GRM1: variants seen among roughly 807,000 people sequenced by gnomAD.
The protein encoded by GRM1 is metabotropic glutamate receptor 1.
GRM1 carries 33 observed loss-of-function variants against 90.9 expected under a neutral mutation model. That is an observed-to-expected ratio of 0.36 (90% confidence interval 0.28 to 0.49). The LOEUF is 0.49. Ranked by LOEUF, GRM1 falls within the 20% of genes least tolerant of loss-of-function variation. GRM1 has a pLI of 0.99. For synonymous variants in GRM1, 700 were observed against 613.2 expected, an observed-to-expected ratio of 1.14 and a Z score of -2.09; for missense variants, 1,190 against 1,534.3, an observed-to-expected ratio of 0.78 and a Z score of 3.75.
At chr6:146,322,730 C>T (rs772638490) in intron 3 of GRM1, among the ~76,000 whole-genome samples, 1 of 151,944 alleles carries the variant, frequency 6.6e-6, no homozygotes, top group Non-Finnish European at 1.5e-5. Context: ...TTAGGTATAT[C>T]TCCTAATGCT....
chr6:146,288,582 T>C (rs1782850191), intron 2 of GRM1, among the ~76,000 whole-genome samples: 1 of 152,184 alleles, frequency 6.6e-6, no homozygotes, highest in South Asian at 2.1e-4. Context: ...CTCGGCTCAC[T>C]GCAACCTCCG....
intron 2 of GRM1, among the ~76,000 whole-genome samples, chr6:146,265,535 A>G (rs1254681891): frequency 6.6e-6 from 1 of 152,154 alleles, no homozygotes; most frequent in Non-Finnish European, 1.5e-5. Context: ...TTAGTTTAGT[A>G]GTCTCATTTG....
At chr6:146,060,165 T>G (rs1775613820) in intron 1 of GRM1, among the ~76,000 whole-genome samples, 1 of 152,136 alleles carries the variant, frequency 6.6e-6, no homozygotes. Flanking sequence ...TTAATCATTT[T>G]TAACTTTTGA....
intron 1 of GRM1, among the ~76,000 whole-genome samples, chr6:146,090,367 C>T (rs1010291408): frequency 6.6e-6 from 1 of 152,018 alleles, no homozygotes; most frequent in African/African-American, 2.4e-5. Flanking sequence ...TTTACCTATT[C>T]GTGGTATGAG....
chr6:146,364,505 T>G (rs1775604740), intron 5 of GRM1, among the ~76,000 whole-genome samples: 1 of 152,218 alleles, frequency 6.6e-6, no homozygotes, highest in African/African-American at 2.4e-5. Flanking sequence ...GATTATTCCT[T>G]TTTCTTTAAC....
In GRM1 at chr6:146,207,506, G is replaced by A. The variant is rs182792753; in HGVS notation, c.950+47909G>A. ...GCTGGATATTGGACCATTGTCAGATGAATAGTTTGGAAATATTTTCTCCAT... is the reference window on the plus strand; with the variant it reads ...GCTGGATATTGGACCATTGTCAGATAAATAGTTTGGAAATATTTTCTCCAT... On this transcript the variant is annotated intron_variant, in intron 2 of 7. Coordinates refer to ENST00000282753, the MANE Select transcript of GRM1 (RefSeq NM_001278064.2). 2.3e-3 allele frequency among the ~76,000 whole-genome samples: 352 copies of A among 152,184 alleles called. 3 individuals are homozygous for A. Among genetic ancestry groups the A allele is most frequent in the African/African-American group, 8.3e-3 (344 of 41,532 alleles).
At chr6:146,112,193 A>C (rs1775585558) in intron 1 of GRM1, among the ~76,000 whole-genome samples, 1 of 152,046 alleles carries the variant, frequency 6.6e-6, no homozygotes, top group African/African-American at 2.4e-5. Flanking sequence ...ACTTGCACAC[A>C]GTGGAGTGTG....
Position 146,398,917 on chromosome 6 carries a change from C to A in GRM1, c.1878C>A (p.Ser626=), listed in dbSNP as rs1182338983. The A allele has an allele frequency of 8.1e-6, 13 of 1,614,102 alleles. No homozygotes were observed. Among genetic ancestry groups the A allele is most frequent in the Non-Finnish European group, 1.0e-5 (12 of 1,179,990 alleles). Residue 626 remains serine (S), a synonymous_variant, in exon 7 of 8, where the codon TCC becomes TCA. Transcript: ENST00000282753. ...LYRDTPVVKS[S]SRELCYIILA... ...GGGACACACCAGTGGTCAAATCCTCCAGTCGGGAGCTCTGCTACATCATCC... is the reference window on the plus strand; with the variant it reads ...GGGACACACCAGTGGTCAAATCCTCAAGTCGGGAGCTCTGCTACATCATCC...
chr6:146,389,156 T>C (rs1583427424), intron 6 of GRM1, among the ~76,000 whole-genome samples: 1 of 152,154 alleles, frequency 6.6e-6, no homozygotes, highest in East Asian at 1.9e-4. Flanking sequence ...GTTTGAGAGC[T>C]GGGGTTTACT....
At chr6:146,156,786 G>A (rs1247763205) in intron 1 of GRM1, among the ~76,000 whole-genome samples, 1 of 152,206 alleles carries the variant, frequency 6.6e-6, no homozygotes, top group East Asian at 1.9e-4. Context: ...GATTAAGAAT[G>A]TTCTAGAGAT....
intron 1 of GRM1, among the ~76,000 whole-genome samples, chr6:146,087,701 C>G (rs2128866210): frequency 6.6e-6 from 1 of 152,216 alleles, no homozygotes; most frequent in East Asian, 1.9e-4. Context: ...CAGTATGTGA[C>G]CTTTTGAAAC....
At chr6:146,204,767 C>T (rs1256416395) in intron 2 of GRM1, among the ~76,000 whole-genome samples, 2 of 152,130 alleles carry the variant, frequency 1.3e-5, no homozygotes, top group African/African-American at 4.8e-5. Flanking sequence ...TTGGGATGCT[C>T]AGGTTCATGG....
chr6:146,257,525 T>C (rs1002491702), intron 2 of GRM1, among the ~76,000 whole-genome samples: 23 of 151,152 alleles, frequency 1.5e-4, no homozygotes, highest in African/African-American at 5.2e-4. Context: ...TGTATATATA[T>C]ATATATGTAT....
At chr6:146,408,336 A>C (rs1030159048) in intron 7 of GRM1, among the ~76,000 whole-genome samples, 1 of 152,134 alleles carries the variant, frequency 6.6e-6, no homozygotes, top group African/African-American at 2.4e-5. Flanking sequence ...ATGTCTATCG[A>C]GTCATCTGTT....
chr6:146,373,400 G>A (rs1583405079), intron 5 of GRM1, among the ~76,000 whole-genome samples: 1 of 152,268 alleles, frequency 6.6e-6, no homozygotes, highest in East Asian at 1.9e-4. Flanking sequence ...TGGCAGAAAA[G>A]AGAGAAAGTG....
intron 2 of GRM1, among the ~76,000 whole-genome samples, chr6:146,199,782 C>A (rs1779239906): frequency 6.6e-6 from 1 of 152,076 alleles, no homozygotes; most frequent in African/African-American, 2.4e-5. Flanking sequence ...GTTTGGGAGG[C>A]CAAGGAAGGC....
At chr6:146,419,846 C>T (rs937241239) in intron 7 of GRM1, among the ~76,000 whole-genome samples, 3 of 152,120 alleles carry the variant, frequency 2.0e-5, no homozygotes, top group Admixed American at 6.5e-5. Flanking sequence ...TCACCTCCCA[C>T]GAGACCCCTT....
intron 1 of GRM1, among the ~76,000 whole-genome samples, chr6:146,138,187 T>C (rs931573765): frequency 1.3e-5 from 2 of 152,178 alleles, no homozygotes; most frequent in Non-Finnish European, 2.9e-5. Flanking sequence ...GGACTTTCAG[T>C]ACTATGTTAA....
chr6:146,242,680 A>G (rs1443265240), intron 2 of GRM1, among the ~76,000 whole-genome samples: 1 of 152,010 alleles, frequency 6.6e-6, no homozygotes, highest in Non-Finnish European at 1.5e-5. Context: ...GGTAGTAGGG[A>G]AAATACAGAA....
Sources: gnomAD v4.1 joint callset for allele counts (sites outside exome capture counted in the v4.1 genomes callset) on GRCh38, gnomAD v4.1.1 for gene constraint, MANE v1.5 for transcripts, NCBI Gene and HGNC (gene_info 2026-07-23, HGNC 2026-07-21) for gene names.